CHD6: variants seen among roughly 807,000 people sequenced by gnomAD.
The protein encoded by CHD6 is chromodomain helicase DNA binding protein 6, also known as ATP-dependent chromatin remodeler CHD6.
CHD6 carries 50 observed loss-of-function variants against 276.9 expected under a neutral mutation model. That is an observed-to-expected ratio of 0.18 (90% CI 0.14 to 0.23). The LOEUF is 0.23. Ranked by LOEUF, CHD6 falls within the 10% of genes least tolerant of loss-of-function variation. CHD6 has a pLI of 1.00. For missense variants in CHD6, 2,564 were observed against 3,365.8 expected (o/e 0.76, Z 5.89); for synonymous variants, 1,173 against 1,229.3 (o/e 0.95, Z 0.96).
intron 34 of CHD6, chr20:41,414,896 C>T: frequency 7.9e-7 from 1 of 1,273,398 alleles, no homozygotes; most frequent in South Asian, 2.0e-5. Context: ...CTCTGCCGTG[C>T]CGTCAACAGT....
chr20:41,547,222 C>CCA (rs2146131092), intron 2 of CHD6, among the ~76,000 whole-genome samples: 1 of 152,280 alleles, frequency 6.6e-6, no homozygotes, highest in Non-Finnish European at 1.5e-5. Flanking sequence ...GATTTCCTTG[C>CCA]CACTGACAAA....
chr20:41,499,583 G>T (rs1246790075), intron 5 of CHD6, among the ~76,000 whole-genome samples: 1 of 152,178 alleles, frequency 6.6e-6, no homozygotes, highest in Non-Finnish European at 1.5e-5. Context: ...CAAGAGCAGA[G>T]AAGTTTTTCA....
At chr20:41,512,692 T>C (rs143858479) in intron 5 of CHD6, among the ~76,000 whole-genome samples, 154 bp downstream of exon 5, 99 of 152,276 alleles carry the variant, frequency 6.5e-4, no homozygotes, top group African/African-American at 2.3e-3. Context: ...GGAGTCTGAA[T>C]GTCATTCCCA....
chr20:41,552,477 T>C (rs1019390127), intron 1 of CHD6, among the ~76,000 whole-genome samples: 5 of 152,232 alleles, frequency 3.3e-5, no homozygotes, highest in African/African-American at 4.8e-5. Context: ...TTATTACACA[T>C]TGTATTCATA....
intron 27 of CHD6, among the ~76,000 whole-genome samples, chr20:41,427,273 T>G (rs1320877156): frequency 6.6e-6 from 1 of 151,866 alleles, no homozygotes; most frequent in Non-Finnish European, 1.5e-5. Context: ...AATGCTCTTT[T>G]GGGCCCCTGA....
intron 1 of CHD6, among the ~76,000 whole-genome samples, chr20:41,575,105 A>G (rs189966685): frequency 1.4e-3 from 207 of 152,314 alleles, no homozygotes; most frequent in Middle Eastern, 0.01. Flanking sequence ...TACTTCATTT[A>G]CATAGCGTGT....
intron 14 of CHD6, 75 bp downstream of exon 14, chr20:41,487,590 C>T: frequency 3.5e-6 from 5 of 1,410,210 alleles, no homozygotes; most frequent in Non-Finnish European, 4.8e-6. Flanking sequence ...AAATCCTGGC[C>T]CCATAGCATC....
chr20:41,589,543 C>T (rs2045633286), intron 1 of CHD6, among the ~76,000 whole-genome samples: 1 of 152,112 alleles, frequency 6.6e-6, no homozygotes, highest in South Asian at 2.1e-4. Flanking sequence ...AATCAATGTG[C>T]AAAAATCACA....
chr20:41,555,068 C>G, intron 1 of CHD6, among the ~76,000 whole-genome samples: 1 of 147,218 alleles, frequency 6.8e-6, no homozygotes, highest in Non-Finnish European at 1.5e-5. Flanking sequence ...GCTGATTCCC[C>G]CACCTCCCTC....
chr20:41,511,203 C>G (rs375190186), intron 5 of CHD6, among the ~76,000 whole-genome samples: 2 of 152,178 alleles, frequency 1.3e-5, no homozygotes, highest in East Asian at 1.9e-4. Flanking sequence ...CTATCAGTTT[C>G]CATAAGACAC....
intron 1 of CHD6, among the ~76,000 whole-genome samples, chr20:41,613,317 TAAG>T (rs1258029822): frequency 1.3e-5 from 2 of 152,214 alleles, no homozygotes; most frequent in Admixed American, 6.5e-5. Context: ...GCAGAATTAG[TAAG>T]AAGCAGTATT....
intron 25 of CHD6, among the ~76,000 whole-genome samples, chr20:41,442,447 G>A (rs1448811211): frequency 1.3e-5 from 2 of 152,110 alleles, no homozygotes; most frequent in East Asian, 3.9e-4. Context: ...GTGAGACCCT[G>A]TCTCTTAAAA....
chr20:41,589,066 C>T (rs976493211), intron 1 of CHD6, among the ~76,000 whole-genome samples: 26 of 152,072 alleles, frequency 1.7e-4, no homozygotes, highest in Middle Eastern at 3.4e-3. Context: ...GTTCAACATA[C>T]GCAAATCAAT....
At chr20:41,514,679 G>A (rs942417430) in intron 4 of CHD6, 126 bp downstream of exon 4, 30 of 1,077,816 alleles carry the variant, frequency 2.8e-5, no homozygotes, top group Non-Finnish European at 3.7e-5. Context: ...CCACCAAAAC[G>A]GTAAAAGCCC....
chr20:41,577,552 G>A (rs1247632385), intron 1 of CHD6, among the ~76,000 whole-genome samples: 1 of 152,210 alleles, frequency 6.6e-6, no homozygotes, highest in Non-Finnish European at 1.5e-5. Context: ...ACTTTCCAAA[G>A]GGAAAGCGCT....
chr20:41,489,035 T>C (rs529333772), intron 12 of CHD6, among the ~76,000 whole-genome samples: 6 of 152,270 alleles, frequency 3.9e-5, no homozygotes, highest in African/African-American at 1.4e-4. Flanking sequence ...CTAGCACAGA[T>C]TGAAGGTAAT....
chr20:41,509,819 A>AACTT, intron 5 of CHD6, among the ~76,000 whole-genome samples: 1 of 152,330 alleles, frequency 6.6e-6, no homozygotes, highest in South Asian at 2.1e-4. Context: ...TTAGGATGGA[A>AACTT]ACTTACTTCC....
intron 1 of CHD6, among the ~76,000 whole-genome samples, chr20:41,603,274 G>A (rs953875618): frequency 6.6e-6 from 1 of 152,082 alleles, no homozygotes; most frequent in Non-Finnish European, 1.5e-5. Context: ...CCTGGGAGGC[G>A]GAGGTTGCAG....
chr20:41,405,522 G>GC, intron 36 of CHD6, 33 bp from the exon 37 acceptor site: 1 of 1,505,838 alleles, frequency 6.6e-7, no homozygotes, highest in Non-Finnish European at 9.0e-7. Flanking sequence ...AATGCTGAAG[G>GC]CAACAGGATG....
Sources: allele counts gnomAD v4.1 joint callset (sites outside exome capture counted in the v4.1 genomes callset), GRCh38; gene constraint gnomAD v4.1.1; transcripts MANE v1.5; gene names NCBI Gene and HGNC (gene_info 2026-07-23, HGNC 2026-07-21).